The following HPRT1 variants were observed in gnomAD, a reference collection of about 807,000 sequenced individuals.
HPRT1 encodes the protein hypoxanthine phosphoribosyltransferase 1, also known as hypoxanthine-guanine phosphoribosyltransferase.
In HPRT1, 4 loss-of-function variants were observed where a neutral mutation model predicts 19.0. The observed-to-expected ratio is 0.21, with a 90% CI of 0.10 to 0.48. The LOEUF (loss-of-function observed/expected upper bound fraction) is 0.48. Ranked by LOEUF, HPRT1 falls within the 20% of genes least tolerant of loss-of-function variation. The probability of loss-of-function intolerance (pLI) is 0.98; values close to 1 mark genes in which losing one functional copy is unlikely to be tolerated. For synonymous variants in HPRT1, 53 were observed against 54.9 expected, an observed-to-expected ratio of 0.97 and a Z score of 0.15; for missense variants, 65 against 164.0, an observed-to-expected ratio of 0.40 and a Z score of 3.30.
chrX:134,492,187 G>A (rs1219691876), intron 5 of HPRT1, among the ~76,000 whole-genome samples: 14 of 105,214 alleles, frequency 1.3e-4, no homozygotes, highest in African/African-American at 4.2e-4. Context: ...CACTGTGCCT[G>A]GCCTGCATTT....
chrX:134,498,568 T>C, intron 7 of HPRT1, 40 bp from the exon 8 acceptor site: 3 of 1,042,035 alleles, frequency 2.9e-6, no homozygotes, highest in Middle Eastern at 2.7e-4. Flanking sequence ...TTAAAAGTGA[T>C]GTTTTCTTTA....
At chrX:134,468,348 C>T (rs2077602492) in intron 1 of HPRT1, among the ~76,000 whole-genome samples, 1 of 110,328 alleles carries the variant, frequency 9.1e-6, no homozygotes, top group South Asian at 3.9e-4. Flanking sequence ...GGCGGGGTGG[C>T]TCACGCCTGT....
In HPRT1 at chrX:134,469,565, C is replaced by G. The variant is rs140067642; in HGVS notation, c.28-3794C>G. Reference sequence around the variant, plus strand: ...TGGGCTTCCTTTGAAATAAACAAGACTTTTCAAATTCTTAGTCGATCTGCA... The same window carrying G: ...TGGGCTTCCTTTGAAATAAACAAGAGTTTTCAAATTCTTAGTCGATCTGCA... On this transcript the variant is annotated intron_variant, in intron 1 of 8. Coordinates refer to ENST00000298556, the MANE Select transcript of HPRT1 (RefSeq NM_000194.3). 9.5e-3 allele frequency among the ~76,000 whole-genome samples: 1,061 copies of G among 111,829 alleles called. 9 individuals carry two copies. Among genetic ancestry groups the G allele is most frequent in the African/African-American group, 0.032 (973 of 30,818 alleles).
intron 5 of HPRT1, among the ~76,000 whole-genome samples, chrX:134,492,724 C>G (rs1221956519): frequency 3.6e-5 from 4 of 112,196 alleles, no homozygotes; most frequent in Non-Finnish European, 7.5e-5. Context: ...CCGTTATTTT[C>G]ACAGATCCTG....
chrX:134,498,256 C>T, intron 6 of HPRT1, 134 bp from the exon 7 acceptor site: 1 of 569,037 alleles, frequency 1.8e-6, no homozygotes, highest in Non-Finnish European at 3.1e-6. Context: ...ATAGTCTTTC[C>T]TTGGGTGTGT....
At chrX:134,484,145 C>G (rs1289616568) in intron 3 of HPRT1, among the ~76,000 whole-genome samples, 1 of 112,096 alleles carries the variant, frequency 8.9e-6, no homozygotes, top group Non-Finnish European at 1.9e-5. Context: ...TCCATGACTC[C>G]ATACTTTTCA....
At chrX:134,466,281 G>A (rs1009112344) in intron 1 of HPRT1, among the ~76,000 whole-genome samples, 1 of 109,807 alleles carries the variant, frequency 9.1e-6, no homozygotes, top group African/African-American at 3.3e-5. Context: ...AGCTGGGTGT[G>A]GTAGCGGGCT....
At chrX:134,473,337 A>G in intron 1 of HPRT1, 22 bp from the exon 2 acceptor site, 1 of 902,460 alleles carries the variant, frequency 1.1e-6, no homozygotes, top group South Asian at 2.0e-5. Flanking sequence ...CTCTCATTGA[A>G]ACAGCTATAT....
At chrX:134,468,467 A>G (rs891620497) in intron 1 of HPRT1, among the ~76,000 whole-genome samples, 1 of 109,935 alleles carries the variant, frequency 9.1e-6, no homozygotes, top group African/African-American at 3.3e-5. Flanking sequence ...ATACAAAAGA[A>G]TTAACCAAGT....
chrX:134,464,636 G>A (rs1602736463), intron 1 of HPRT1, among the ~76,000 whole-genome samples: 1 of 111,170 alleles, frequency 9.0e-6, no homozygotes, highest in African/African-American at 3.3e-5. Flanking sequence ...GGAGTGCAGT[G>A]ATGCAATCTC....
In HPRT1 at chrX:134,460,258, C is replaced by G. The variant is rs1175923232; in HGVS notation, c.-54C>G. 8 of 1,110,847 alleles carry G rather than the reference C, an allele frequency of 7.2e-6. No homozygotes were observed. The highest frequency in any genetic ancestry group is 8.3e-6 in the Non-Finnish European group (7 of 845,053). The allele number at this position is 1,110,847 out of a possible 1,213,427, so 91.5% of individuals were successfully genotyped here. A position where few individuals can be genotyped will look rare whatever the true frequency, so the allele number is the denominator to read the frequency against. ...TGCGCCTCCGCCTCCTCCTCTGCTC[C>G]GCCACCGGCTTCCTCCTCCTGAGCA... On this transcript the variant is annotated 5_prime_UTR_variant, in exon 1 of 9. Coordinates refer to ENST00000298556, the MANE Select transcript of HPRT1 (RefSeq NM_000194.3).
At chrX:134,495,278 G>A (rs191977665) in intron 6 of HPRT1, among the ~76,000 whole-genome samples, 141 of 110,116 alleles carry the variant, frequency 1.3e-3, no homozygotes, top group African/African-American at 4.4e-3. Context: ...TCATGTTCTA[G>A]GCAGAGCAGT....
At chrX:134,473,078 C>T (rs944273654) in intron 1 of HPRT1, among the ~76,000 whole-genome samples, 3 of 109,425 alleles carry the variant, frequency 2.7e-5, no homozygotes, top group South Asian at 4.0e-4. Context: ...TTAGTAGAGA[C>T]GGGATTTCAC....
chrX:134,486,400 A>T, intron 3 of HPRT1, 65 bp from the exon 4 acceptor site: 1 of 559,407 alleles, frequency 1.8e-6, no homozygotes, highest in Non-Finnish European at 2.7e-6. Context: ...TGTGTACATA[A>T]GGATATACAT....
intron 3 of HPRT1, among the ~76,000 whole-genome samples, chrX:134,475,671 A>T (rs1285786951): frequency 2.7e-5 from 3 of 111,839 alleles, no homozygotes; most frequent in Non-Finnish European, 3.8e-5. Context: ...CTTGAGCTAC[A>T]TCGGTTTGTG....
intron 5 of HPRT1, among the ~76,000 whole-genome samples, chrX:134,491,856 C>T (rs776578283): frequency 2.2e-3 from 232 of 106,330 alleles, no homozygotes; most frequent in Non-Finnish European, 3.7e-3. Flanking sequence ...CTCAGCCTCC[C>T]AAGTAGCTGG....
At position 134,500,235 on chromosome X, in the gene HPRT1, C is replaced by T; in HGVS notation, c.*158C>T. 2.1e-6 allele frequency: 1 copy of T among 483,489 alleles called. No individual in the cohort carries two copies. The highest frequency in any genetic ancestry group is 3.7e-6 in the Non-Finnish European group (1 of 272,226). The allele number at this position is 483,489 out of a possible 1,213,427, so 39.8% of individuals were successfully genotyped here. On this transcript the variant is annotated 3_prime_UTR_variant, in exon 9 of 9. Transcript: ENST00000298556. ...TTTTGTACTTTAGAAATGTCAGTTG[C>T]TGCATTCCTAAACTGTTTATTTGCA...
chrX:134,495,876 GTCT>G (rs1199089819), intron 6 of HPRT1, among the ~76,000 whole-genome samples: 1 of 112,190 alleles, frequency 8.9e-6, no homozygotes, highest in African/African-American at 3.2e-5. Flanking sequence ...GCAATATCCT[GTCT>G]TCTTTCACTT....
In HPRT1 at chrX:134,500,206, T is replaced by G; in HGVS notation, c.*129T>G. 1 of 544,380 alleles carries G rather than the reference T, an allele frequency of 1.8e-6. No individual in the cohort carries two copies. Among genetic ancestry groups the G allele is most frequent in the Non-Finnish European group, 3.3e-6 (1 of 304,967 alleles). The allele number at this position is 544,380 out of a possible 1,213,427, so 44.9% of individuals were successfully genotyped here. On this transcript the variant is annotated 3_prime_UTR_variant, in exon 9 of 9. Transcript: ENST00000298556. ...TTGCATGTATCTTCTAAGAATTTTA[T>G]CTGTTTTGTACTTTAGAAATGTCAG...
Sources: gnomAD v4.1 joint callset for allele counts (sites outside exome capture counted in the v4.1 genomes callset) on GRCh38, gnomAD v4.1.1 for gene constraint, MANE v1.5 for transcripts, NCBI Gene and HGNC (gene_info 2026-07-23, HGNC 2026-07-21) for gene names.